Variants in DMKN observed in about 807,000 individuals in gnomAD.
DMKN encodes epidermis-specific secreted protein SK30/SK89.
DMKN carries 58 observed loss-of-function variants against 67.6 expected under a neutral mutation model. The ratio of observed to expected loss-of-function variants is 0.86; its 90% confidence interval spans 0.69 to 1.07. The LOEUF is 1.07. Among genes scored for constraint, DMKN ranks in the 50% least tolerant of loss-of-function variants. The pLI, the probability that DMKN is intolerant of heterozygous loss-of-function variation, is 0.00. For missense variants in DMKN, 596 were observed against 601.5 expected, an observed-to-expected ratio of 0.99 and a Z score of 0.10; for synonymous variants, 240 against 232.3, an observed-to-expected ratio of 1.03 and a Z score of -0.30.
rs1272953693 is a variant in DMKN at position 35,513,035 on chromosome 19, C to CCCA, written c.426+12_426+14dup. 3.7e-6 allele frequency: 6 copies of CCCA among 1,611,580 alleles called. No individual in the cohort carries two copies. The East Asian group carries it at 1.1e-4, about 30-fold the overall frequency. ...ACAGCCTCCCATTTCCACATGCAGC[C>CCCA]CCACAGCCACTCACCCAAGCACCAT... is the stretch of plus-strand genomic sequence containing the variant. On this transcript the variant is annotated intron_variant, in intron 1 of 15. Coordinates refer to ENST00000339686, the MANE Select transcript of DMKN (RefSeq NM_033317.5).
rs377001986 is a variant in DMKN at position 35,502,901 on chromosome 19, C to T, written c.1135-15G>A. On this transcript the variant is annotated splice_polypyrimidine_tract_variant and intron_variant, in intron 9 of 15. Coordinates refer to ENST00000339686, the MANE Select transcript of DMKN (RefSeq NM_033317.5). Reference sequence around the variant, plus strand: ...GGGACCTGGTTCTGTGGATGAAAGGCGGGGAGCAGGTTAGCAGAGAGCCTG... The same window carrying T: ...GGGACCTGGTTCTGTGGATGAAAGGTGGGGAGCAGGTTAGCAGAGAGCCTG... The T allele has an allele frequency of 2.4e-5, 38 of 1,612,918 alleles. No individual in the cohort carries two copies. The highest frequency in any genetic ancestry group is 1.7e-4 in the African/African-American group (13 of 74,818).
intron 7 of DMKN, chr19:35,508,011 G>A: frequency 3.1e-6 from 2 of 639,922 alleles, no homozygotes; most frequent in South Asian, 2.2e-5. Flanking sequence ...GGGAGAGGTG[G>A]GCTCCTCTGG....
chr19:35,513,430 G>C lies in DMKN; in HGVS notation c.46C>G (p.Leu16Val). 1 of 1,602,994 alleles carries C rather than the reference G, an allele frequency of 6.2e-7. No individual in the cohort carries two copies. Among genetic ancestry groups the C allele is most frequent in the Non-Finnish European group, 8.5e-7 (1 of 1,179,924 alleles). The change falls in exon 1 of 16, where the codon CTG becomes GTG. Residue 16 changes from leucine (L) to valine (V), a missense_variant. Coordinates refer to ENST00000339686, the MANE Select transcript of DMKN (RefSeq NM_033317.5). Reference sequence around the variant, plus strand: ...AGGGGGCCAGCCTCCCCACTGCCCAGGCAGAGGGCCAGCAGGAGGCAGGCC... The same window carrying C: ...AGGGGGCCAGCCTCCCCACTGCCCACGCAGAGGGCCAGCAGGAGGCAGGCC... ...PLACLLLALC[L>V]GSGEAGPLQS... is the part of the protein sequence containing the mutation.
chr19:35,511,698 A>G (rs1207710063), intron 4 of DMKN, 65 bp downstream of exon 4: 4 of 1,595,684 alleles, frequency 2.5e-6, no homozygotes, highest in Non-Finnish European at 3.4e-6. Flanking sequence ...TGCCCAGTCT[A>G]AGGGGAGCAG....
At chr19:35,512,029 A>C (rs1600090810) in intron 3 of DMKN, among the ~76,000 whole-genome samples, 4 of 116,170 alleles carry the variant, frequency 3.4e-5, no homozygotes, top group East Asian at 2.5e-4. Flanking sequence ...ACAGGGTCTC[A>C]CTCTGTTGCT....
chr19:35,509,138 T>C (rs1234217337), intron 7 of DMKN, among the ~76,000 whole-genome samples: 1 of 152,062 alleles, frequency 6.6e-6, no homozygotes. Context: ...AGAGAATCGC[T>C]TGAACCCAGG....
At chr19:35,510,523 G>A in intron 5 of DMKN, 1 of 1,542,732 alleles carries the variant, frequency 6.5e-7, no homozygotes, top group Non-Finnish European at 8.7e-7. Flanking sequence ...GGGAACCCCT[G>A]GAGCCCGGCC....
intron 7 of DMKN, chr19:35,507,728 C>T: frequency 1.8e-6 from 1 of 552,642 alleles, no homozygotes. Flanking sequence ...GGTCGGGTGG[C>T]TGCTCACTTA....
In DMKN at chr19:35,502,145, T is replaced by C. The variant is rs370360017; in HGVS notation, c.1230A>G (p.Ala410=). The C allele has an allele frequency of 2.0e-5, 32 of 1,614,012 alleles. No individual in the cohort carries two copies. The highest frequency in any genetic ancestry group is 2.5e-5 in the Non-Finnish European group (30 of 1,180,034). The change falls in exon 11 of 16, where the codon GCA becomes GCG. Residue 410 remains alanine, a synonymous_variant. Coordinates refer to ENST00000339686, the MANE Select transcript of DMKN (RefSeq NM_033317.5). The part of the protein sequence containing the change: ...KQNTPFLNWK[A]IIEGADASSL... The stretch of plus-strand genomic sequence containing the variant: ...GTCCTGCCCCCCTTACCTCAATAAT[T>C]GCTTTCCAGTTGAGGAAAGGAGTGT...
intron 9 of DMKN, 131 bp from the exon 10 acceptor site, chr19:35,503,017 A>T (rs8107732): frequency 0.21 from 223,715 of 1,085,492 alleles, 25,256 homozygotes; most frequent in Non-Finnish European, 0.23. Flanking sequence ...AGGAGCTGAG[A>T]GTCTTTAGGG....
rs759509505 is a variant in DMKN at position 35,506,107 on chromosome 19, G to T, written c.1039-121C>A. The stretch of plus-strand genomic sequence containing the variant: ...GACACCATGGTCCCAGCCCAAGGTG[G>T]AGTGTTGCCTCCACTCACCACAGTA... On this transcript the variant is annotated intron_variant, in intron 7 of 15. Coordinates refer to ENST00000339686, the MANE Select transcript of DMKN (RefSeq NM_033317.5). 3 of 1,594,910 alleles carry T rather than the reference G, an allele frequency of 1.9e-6. No individual in the cohort carries two copies. In the African/African-American group the frequency reaches 4.0e-5, roughly 21 times the overall value.
intron 11 of DMKN, among the ~76,000 whole-genome samples, chr19:35,501,406 T>C (rs943978878): frequency 2.6e-5 from 4 of 152,260 alleles, no homozygotes; most frequent in African/African-American, 9.6e-5. Context: ...ATCAGCATCC[T>C]GGTTCTTCGT....
chr19:35,511,836 A>C (rs1370369974), intron 3 of DMKN, 23 bp from the exon 4 acceptor site: 3 of 1,607,900 alleles, frequency 1.9e-6, no homozygotes, highest in Non-Finnish European at 2.5e-6. Flanking sequence ...AGGGATGGTG[A>C]GTTTGGGGAC....
At chr19:35,501,084 A>G (rs1268639392) in intron 11 of DMKN, among the ~76,000 whole-genome samples, 1 of 152,156 alleles carries the variant, frequency 6.6e-6, no homozygotes, top group African/African-American at 2.4e-5. Context: ...AAACAGATAA[A>G]GCAACTTAAG....
intron 7 of DMKN, among the ~76,000 whole-genome samples, chr19:35,509,085 G>T (rs2070188258): frequency 6.6e-6 from 1 of 152,080 alleles, no homozygotes; most frequent in South Asian, 2.1e-4. Flanking sequence ...GCCAGAGGTG[G>T]TGGCTGGCGT....
At chr19:35,498,496 A>T in intron 15 of DMKN, 1 of 634,792 alleles carries the variant, frequency 1.6e-6, no homozygotes, top group Non-Finnish European at 2.7e-6. Flanking sequence ...GGCATGAGCC[A>T]CTGCACCCAG....
At chr19:35,506,481 G>A (rs1160163130) in intron 7 of DMKN, 1 of 572,314 alleles carries the variant, frequency 1.7e-6, no homozygotes, top group South Asian at 1.5e-5. Context: ...TAGCTAACGT[G>A]TAGTCCCACG....
rs1229892487 is a variant in DMKN, at chr19:35,510,508, G to A, written c.919-256C>T. 31 of 1,548,062 alleles carry A rather than the reference G, an allele frequency of 2.0e-5. No homozygotes were observed. In the South Asian group the frequency reaches 3.7e-4, roughly 18 times the overall value. ...CTGAGCTGCTGCCCACCGCAGGCCG[G>A]GGGTGGGAACCCCTGGAGCCCGGCC... On this transcript the variant is annotated intron_variant, in intron 5 of 15. Transcript: ENST00000339686.
chr19:35,503,306 T>A (rs1402860478), intron 9 of DMKN: 1 of 1,527,802 alleles, frequency 6.5e-7, no homozygotes, highest in African/African-American at 1.4e-5. Context: ...GCCAGGAGTG[T>A]GGGGCAGCTA....
Sources: gnomAD v4.1 joint callset for allele counts (sites outside exome capture counted in the v4.1 genomes callset) on GRCh38, gnomAD v4.1.1 for gene constraint, MANE v1.5 for transcripts, NCBI Gene and HGNC (gene_info 2026-07-23, HGNC 2026-07-21) for gene names.